The following WWOX variants were observed in gnomAD, a reference collection of about 807,000 sequenced individuals.
WWOX encodes WW domain containing oxidoreductase.
In WWOX, 69 loss-of-function variants were observed where a neutral mutation model predicts 46.2. The ratio of observed to expected loss-of-function variants is 1.49; its 90% CI spans 1.23 to 1.82. The LOEUF is 1.82. Ranked by LOEUF, WWOX falls within the 40% of genes most tolerant of loss-of-function variation. The pLI is 0.00. For missense variants in WWOX, 919 were observed against 542.6 expected, an observed-to-expected ratio of 1.69 and a Z score of -6.89; for synonymous variants, 359 against 202.6, an observed-to-expected ratio of 1.77 and a Z score of -6.56.
At chr16:78,922,995 T>TTTTTTTTC (rs1460523074) in intron 8 of WWOX, among the ~76,000 whole-genome samples, 1 of 151,650 alleles carries the variant, frequency 6.6e-6, no homozygotes, top group Admixed American at 6.6e-5. Flanking sequence ...TTTTTTTTTT[T>TTTTTTTTC]TTTGAGACAG....
In WWOX at chr16:78,402,532, G is replaced by A. The variant is rs188008060; in HGVS notation, c.605+15584G>A. Among the ~76,000 whole-genome samples the A allele has an allele frequency of 1.5e-3, 231 of 152,016 alleles. 1 individual carries two copies. The highest frequency in any genetic ancestry group is 6.8e-3 in the Middle Eastern group (2 of 294). ...AGGGTTGGAGGTCCGTAGAAATTGG[G>A]GGCTTCAGCACTTCCCCCAAGCTCA... On this transcript the variant is annotated intron_variant, in intron 6 of 8. Transcript: ENST00000566780.
chr16:78,517,420 A>G (rs16947885), intron 8 of WWOX, among the ~76,000 whole-genome samples: 9,853 of 151,916 alleles, frequency 0.065, 330 homozygotes, highest in East Asian at 0.076. Context: ...AACTGAAATT[A>G]TTTCCAGCTA....
At chr16:78,677,908 T>C (rs1201105685) in intron 8 of WWOX, among the ~76,000 whole-genome samples, 1 of 152,210 alleles carries the variant, frequency 6.6e-6, no homozygotes, top group Non-Finnish European at 1.5e-5. Flanking sequence ...TTCTAAAAAG[T>C]AGCCCGTTCC....
chr16:78,226,998 G>A (rs947858280), intron 5 of WWOX, among the ~76,000 whole-genome samples: 1 of 152,188 alleles, frequency 6.6e-6, no homozygotes, highest in African/African-American at 2.4e-5. Flanking sequence ...AGGGATTTCT[G>A]TTACCATTGG....
At chr16:78,705,382 T>C (rs989793422) in intron 8 of WWOX, among the ~76,000 whole-genome samples, 1 of 152,178 alleles carries the variant, frequency 6.6e-6, no homozygotes, top group Non-Finnish European at 1.5e-5. Context: ...CAAAGGGACT[T>C]CTTTGGGGAG....
At chr16:78,367,742 G>A (rs74537046) in intron 5 of WWOX, among the ~76,000 whole-genome samples, 8,019 of 151,812 alleles carry the variant, frequency 0.053, 279 homozygotes, top group East Asian at 0.12. Flanking sequence ...CATCCCATTT[G>A]GGCCAACCTC....
intron 8 of WWOX, among the ~76,000 whole-genome samples, chr16:78,597,653 A>G (rs1385391833): frequency 1.3e-5 from 2 of 152,130 alleles, no homozygotes; most frequent in African/African-American, 4.8e-5. Context: ...TCTTGCTTTT[A>G]TGCTTTCCAA....
intron 8 of WWOX, among the ~76,000 whole-genome samples, chr16:78,641,957 C>G (rs1353241067): frequency 6.6e-6 from 1 of 152,092 alleles, no homozygotes; most frequent in East Asian, 1.9e-4. Context: ...AGGATTATTC[C>G]TCCCCTTTTA....
At chr16:79,026,511 T>G (rs2047644834) in intron 8 of WWOX, among the ~76,000 whole-genome samples, 1 of 151,638 alleles carries the variant, frequency 6.6e-6, no homozygotes, top group Non-Finnish European at 1.5e-5. Context: ...AGGGTCCATT[T>G]TCTGCTCCAG....
intron 6 of WWOX, among the ~76,000 whole-genome samples, chr16:78,419,039 CTG>C (rs2082864393): frequency 6.6e-6 from 1 of 152,118 alleles, no homozygotes; most frequent in Non-Finnish European, 1.5e-5. Flanking sequence ...ATCACCTTAT[CTG>C]TAGAAAATCC....
intron 8 of WWOX, among the ~76,000 whole-genome samples, chr16:78,924,077 A>G (rs2045443041): frequency 6.6e-6 from 1 of 152,074 alleles, no homozygotes; most frequent in South Asian, 2.1e-4. Context: ...TTGGCCTCCC[A>G]AAGTGCTGGG....
chr16:78,344,897 G>A (rs1275781572), intron 5 of WWOX, among the ~76,000 whole-genome samples: 1 of 121,066 alleles, frequency 8.3e-6, no homozygotes, highest in African/African-American at 2.8e-5. Context: ...GGGTCAGACT[G>A]CTTGTGTTCC....
chr16:78,756,689 A>G (rs1350305642), intron 8 of WWOX, among the ~76,000 whole-genome samples: 1 of 152,148 alleles, frequency 6.6e-6, no homozygotes, highest in Non-Finnish European at 1.5e-5. Flanking sequence ...TCTTCCGTTA[A>G]ACTACCATTA....
intron 8 of WWOX, among the ~76,000 whole-genome samples, chr16:78,558,812 C>T (rs1002712735): frequency 3.9e-5 from 6 of 152,214 alleles, no homozygotes; most frequent in Non-Finnish European, 8.8e-5. Context: ...TTCACCAAAC[C>T]AAGTGGCTCT....
At chr16:78,390,296 C>G (rs2082151405) in intron 6 of WWOX, among the ~76,000 whole-genome samples, 1 of 152,232 alleles carries the variant, frequency 6.6e-6, no homozygotes, top group Non-Finnish European at 1.5e-5. Context: ...TCTTCCACGT[C>G]TTAACTGGAC....
At chr16:78,384,997 G>T (rs1189516075) in intron 5 of WWOX, among the ~76,000 whole-genome samples, 2 of 152,156 alleles carry the variant, frequency 1.3e-5, no homozygotes, top group Non-Finnish European at 2.9e-5. Flanking sequence ...AGCTGGGTGT[G>T]TTGGCACGCA....
At chr16:78,147,270 C>T (rs977428218) in intron 4 of WWOX, among the ~76,000 whole-genome samples, 4 of 151,862 alleles carry the variant, frequency 2.6e-5, no homozygotes, top group African/African-American at 9.7e-5. Context: ...CATTTTGCCT[C>T]TTTTTTGTAT....
intron 8 of WWOX, among the ~76,000 whole-genome samples, chr16:78,666,929 T>C (rs982690347): frequency 6.6e-6 from 1 of 152,208 alleles, no homozygotes; most frequent in Non-Finnish European, 1.5e-5. Flanking sequence ...ACTGTTGATG[T>C]CCAGGGGGTG....
chr16:78,485,091 C>T (rs1007424577), intron 8 of WWOX, among the ~76,000 whole-genome samples: 5 of 151,840 alleles, frequency 3.3e-5, no homozygotes, highest in African/African-American at 1.2e-4. Context: ...GGATTCCCAG[C>T]CGGAAAGGAA....
Sources: gnomAD v4.1 joint callset for allele counts (sites outside exome capture counted in the v4.1 genomes callset) on GRCh38, gnomAD v4.1.1 for gene constraint, MANE v1.5 for transcripts, NCBI Gene and HGNC (gene_info 2026-07-23, HGNC 2026-07-21) for gene names.